ZNF808: variants seen among roughly 807,000 people sequenced by gnomAD.
ZNF808 encodes the protein zinc finger protein 808.
In ZNF808, 5 loss-of-function variants were observed where a neutral mutation model predicts 8.7. That is an observed-to-expected ratio of 0.58 (90% CI 0.30 to 1.21). The LOEUF is 1.21. Ranked by LOEUF, ZNF808 falls within the 50% of genes most tolerant of loss-of-function variation. ZNF808 has a pLI of 0.07. For missense variants in ZNF808, 1,103 were observed against 1,098.4 expected (o/e 1.00, Z -0.06); for synonymous variants, 380 against 366.0 (o/e 1.04, Z -0.44).
rs113253614 is a variant in ZNF808 at position 52,530,303 on chromosome 19, C to T, written c.-122+2592C>T. 4.9e-3 allele frequency among the ~76,000 whole-genome samples: 747 copies of T among 151,920 alleles called. 5 individuals carry two copies. The highest frequency in any genetic ancestry group is 0.017 in the African/African-American group (696 of 41,444). On this transcript the variant is annotated intron_variant, in intron 1 of 4. Transcript: ENST00000359798. ...CTTTAACTCCCTACCTCAAGTGACC[C>T]GCTGCCTCGGCCTCCCAAAGTGCTG...
At chr19:52,567,044 C>T (rs554577037), downstream of ZNF808, among the ~76,000 whole-genome samples, 9 of 151,174 alleles carry the variant, frequency 6.0e-5, no homozygotes, top group Admixed American at 2.6e-4. Context: ...TTCCACCTTC[C>T]GGGTTCAAGC....
chr19:52,550,772 G>T (rs768536357), intron 4 of ZNF808, among the ~76,000 whole-genome samples: 7 of 152,116 alleles, frequency 4.6e-5, no homozygotes, highest in African/African-American at 1.7e-4. Context: ...TCATCCACCT[G>T]CTTTTTAAAA....
intron 4 of ZNF808, among the ~76,000 whole-genome samples, chr19:52,549,321 A>G (rs2059752868): frequency 6.6e-6 from 1 of 151,964 alleles, no homozygotes; most frequent in African/African-American, 2.4e-5. Flanking sequence ...GTGCCAGGGG[A>G]TCCTTGTTCA....
downstream of ZNF808, among the ~76,000 whole-genome samples, chr19:52,561,244 T>C (rs2059857297): frequency 4.2e-5 from 6 of 142,442 alleles, no homozygotes; most frequent in East Asian, 1.2e-3. Context: ...ATATATACAC[T>C]TTTTTTATTA....
intron 4 of ZNF808, among the ~76,000 whole-genome samples, chr19:52,549,520 C>T (rs781422516): frequency 3.3e-5 from 5 of 152,164 alleles, no homozygotes; most frequent in Non-Finnish European, 7.3e-5. Flanking sequence ...CTCTTTCATT[C>T]TTGTCCCTTG....
intron 3 of ZNF808, among the ~76,000 whole-genome samples, chr19:52,544,605 AG>A (rs1169283559): frequency 6.6e-6 from 1 of 152,104 alleles, no homozygotes; most frequent in African/African-American, 2.4e-5. Flanking sequence ...CTGAGGTTAA[AG>A]GTGCACACCA....
rs1179386135 is a variant in ZNF808 at position 52,554,114 on chromosome 19, A to G, written c.1198A>G (p.Lys400Glu). Residue 400 changes from lysine to glutamate, a missense_variant, in exon 5 of 5, where the codon AAG becomes GAG. Transcript: ENST00000359798. ...AATTCATAGTGGAGAGAAAACATAC[A>G]AGTGTAATGAGTGTGGTAAGGCTTT... is the stretch of plus-strand genomic sequence containing the variant. The part of the protein sequence containing the change: ...TRIHSGEKTY[K>E]CNECGKAFNH... 3 of 1,614,026 alleles carry G rather than the reference A, an allele frequency of 1.9e-6. No homozygotes were observed. The highest frequency in any genetic ancestry group is 2.5e-6 in the Non-Finnish European group (3 of 1,180,020).
At chr19:52,548,093 C>T (rs959570109) in intron 4 of ZNF808, among the ~76,000 whole-genome samples, 22 of 152,228 alleles carry the variant, frequency 1.4e-4, no homozygotes, top group East Asian at 3.9e-4. Context: ...ACTGTGACAA[C>T]GTTCATCCCA....
Position 52,555,141 on chromosome 19 carries a change from A to G in ZNF808, c.2225A>G (p.Lys742Arg). 4 of 1,613,698 alleles carry G rather than the reference A, an allele frequency of 2.5e-6. No individual in the cohort carries two copies. The highest frequency in any genetic ancestry group is 3.4e-6 in the Non-Finnish European group (4 of 1,179,616). Residue 742 changes from lysine (K) to arginine (R), a missense_variant, in exon 5 of 5, where the codon AAG becomes AGG. Lys to Arg is a conservative substitution (Grantham distance 26, BLOSUM62 2). Coordinates refer to ENST00000359798, the MANE Select transcript of ZNF808 (RefSeq NM_001039886.4). Reference protein sequence around the residue: ...EKPYKCSECSKTFSQKATLLC... With the variant: ...EKPYKCSECSRTFSQKATLLC... ...CCTTACAAGTGTAGTGAGTGCAGCA[A>G]GACGTTCAGTCAGAAGGCAACCCTT...
At chr19:52,549,258 T>C (rs1361672697) in intron 4 of ZNF808, among the ~76,000 whole-genome samples, 49 of 152,148 alleles carry the variant, frequency 3.2e-4, no homozygotes. Flanking sequence ...ATTACAGACA[T>C]GAGCCACTGC....
chr19:52,537,944 C>G (rs1003745831), intron 2 of ZNF808, among the ~76,000 whole-genome samples: 1 of 150,812 alleles, frequency 6.6e-6, no homozygotes, highest in Non-Finnish European at 1.5e-5. Context: ...GGTCACTCTT[C>G]CCTTTTCCCA....
intron 1 of ZNF808, among the ~76,000 whole-genome samples, chr19:52,529,050 T>G (rs186068027): frequency 1.0e-4 from 15 of 148,092 alleles, no homozygotes; most frequent in African/African-American, 2.5e-4. Flanking sequence ...GAATGAGAGA[T>G]ATGTACAGAA....
intron 3 of ZNF808, among the ~76,000 whole-genome samples, chr19:52,562,400 GA>G (rs1018291686): frequency 2.0e-5 from 3 of 151,326 alleles, no homozygotes; most frequent in African/African-American, 7.3e-5. Context: ...AAGAAAGAAA[GA>G]AAAAATATAA....
downstream of ZNF808, among the ~76,000 whole-genome samples, chr19:52,561,108 G>A (rs1016832699): frequency 2.0e-5 from 3 of 147,264 alleles, no homozygotes; most frequent in Admixed American, 6.9e-5. Context: ...GCAGCTCAGC[G>A]CTTGTGTCCC....
intron 1 of ZNF808, among the ~76,000 whole-genome samples, chr19:52,528,180 C>T (rs1195890566): frequency 6.6e-6 from 1 of 152,140 alleles, no homozygotes; most frequent in Non-Finnish European, 1.5e-5. Flanking sequence ...TCCCACCTCC[C>T]TACTCGTGCC....
chr19:52,529,906 TA>T lies in ZNF808; in HGVS notation c.-122+2196del, dbSNP rs1568475810. On this transcript the variant is annotated intron_variant, in intron 1 of 4. Coordinates refer to ENST00000359798, the MANE Select transcript of ZNF808 (RefSeq NM_001039886.4). ...CAGCTAGTTTACATATATATATATA[TA>T]TATATTTTTTTTTTTTGTAGAAACG... Among the ~76,000 whole-genome samples the T allele has an allele frequency of 5.2e-4, 64 of 122,902 alleles. No homozygotes were observed. The Middle Eastern group carries it at 0.012, about 23-fold the overall frequency. 80.6% of individuals were successfully genotyped at this position (122,902 alleles called of 152,430 possible). A position where few individuals can be genotyped will look rare whatever the true frequency, so the allele number is the denominator to read the frequency against.
At chr19:52,563,172 C>T (rs968897038) in intron 3 of ZNF808, 2 of 152,094 alleles carry the variant, frequency 1.3e-5, no homozygotes, top group African/African-American at 4.8e-5. Flanking sequence ...ATAGTGTGTG[C>T]TGGTGGTAAG....
At chr19:52,548,780 T>C (rs1389091453) in intron 4 of ZNF808, among the ~76,000 whole-genome samples, 3 of 152,186 alleles carry the variant, frequency 2.0e-5, no homozygotes, top group Admixed American at 2.0e-4. Context: ...ATACCACATT[T>C]TCCTCACATA....
At chr19:52,545,889 A>G (rs1242399008) in intron 3 of ZNF808, among the ~76,000 whole-genome samples, 1 of 152,138 alleles carries the variant, frequency 6.6e-6, no homozygotes, top group Non-Finnish European at 1.5e-5. Context: ...CCTTTGTCAC[A>G]TTCTCTGCAC....
Sources: gnomAD v4.1 joint callset for allele counts (sites outside exome capture counted in the v4.1 genomes callset) on GRCh38, gnomAD v4.1.1 for gene constraint, MANE v1.5 for transcripts, NCBI Gene and HGNC (gene_info 2026-07-23, HGNC 2026-07-21) for gene names.